Variants in LRRC4C observed in about 807,000 individuals in gnomAD.
The protein encoded by LRRC4C is leucine-rich repeat-containing protein 4C.
In LRRC4C, 5 loss-of-function variants were observed where a neutral mutation model predicts 33.6. The ratio of observed to expected loss-of-function variants is 0.15; its 90% CI spans 0.08 to 0.31. The LOEUF is 0.31. Ranked by LOEUF, LRRC4C falls within the 10% of genes least tolerant of loss-of-function variation. The pLI is 1.00. For synonymous variants in LRRC4C, 329 were observed against 302.0 expected, an observed-to-expected ratio of 1.09 and a Z score of -0.93; for missense variants, 560 against 796.7, an observed-to-expected ratio of 0.70 and a Z score of 3.58.
intron 1 of LRRC4C, among the ~76,000 whole-genome samples, chr11:41,273,816 G>A (rs1347512071): frequency 6.6e-6 from 1 of 152,126 alleles, no homozygotes; most frequent in Non-Finnish European, 1.5e-5. Context: ...CTTAATTATG[G>A]TGATGGCATC....
intron 6 of LRRC4C, among the ~76,000 whole-genome samples, chr11:40,136,916 A>C (rs750582630): frequency 3.3e-5 from 5 of 152,224 alleles, no homozygotes; most frequent in Non-Finnish European, 7.3e-5. Flanking sequence ...TAGCACTCAC[A>C]AAATGGACAC....
At chr11:41,173,929 T>C (rs555989142) in intron 1 of LRRC4C, among the ~76,000 whole-genome samples, 64 of 152,220 alleles carry the variant, frequency 4.2e-4, no homozygotes, top group Non-Finnish European at 8.2e-4. Context: ...TATGTCAACT[T>C]TAAAAGTTAT....
intron 2 of LRRC4C, among the ~76,000 whole-genome samples, chr11:40,750,921 A>G (rs938375452): frequency 2.0e-5 from 3 of 152,140 alleles, no homozygotes; most frequent in African/African-American, 7.2e-5. Context: ...ATGATACACC[A>G]TGACAAGTGG....
chr11:40,939,563 T>C (rs1958053077), intron 1 of LRRC4C, among the ~76,000 whole-genome samples: 1 of 152,144 alleles, frequency 6.6e-6, no homozygotes, highest in Non-Finnish European at 1.5e-5. Flanking sequence ...AGGCACTCTT[T>C]CGGCACCTGG....
intron 5 of LRRC4C, among the ~76,000 whole-genome samples, chr11:40,230,251 A>G (rs894460738): frequency 3.3e-5 from 5 of 152,236 alleles, no homozygotes; most frequent in African/African-American, 1.2e-4. Context: ...AACATTTTCT[A>G]CTTTCAGAAA....
chr11:40,255,081 G>GT (rs1565192101), intron 4 of LRRC4C, among the ~76,000 whole-genome samples: 1 of 152,094 alleles, frequency 6.6e-6, no homozygotes, highest in East Asian at 1.9e-4. Flanking sequence ...GATTACAAGC[G>GT]TGAGTCACCG....
At chr11:41,084,217 T>A (rs1191008140) in intron 1 of LRRC4C, among the ~76,000 whole-genome samples, 1 of 152,080 alleles carries the variant, frequency 6.6e-6, no homozygotes, top group Non-Finnish European at 1.5e-5. Context: ...CCCCAGATCA[T>A]CTGGTGTATT....
Position 40,940,151 on chromosome 11 carries a change from A to T in LRRC4C, c.-495-6428T>A, listed in dbSNP as rs1958078964. Reference sequence around the variant, plus strand: ...TCACAGTGTCATCCCTTTTTACTCTACCTCATTGTGCCTCAGTTTTCTCAT... The same window carrying T: ...TCACAGTGTCATCCCTTTTTACTCTTCCTCATTGTGCCTCAGTTTTCTCAT... On this transcript the variant is annotated intron_variant, in intron 1 of 6. Transcript: ENST00000528697. 1.3e-5 allele frequency among the ~76,000 whole-genome samples: 2 copies of T among 151,972 alleles called. 1 individual carries two copies. Among genetic ancestry groups the T allele is most frequent in the South Asian group, 4.1e-4 (2 of 4,820 alleles).
chr11:40,794,887 G>A (rs1048931867), intron 2 of LRRC4C, among the ~76,000 whole-genome samples: 3 of 152,162 alleles, frequency 2.0e-5, no homozygotes, highest in African/African-American at 7.2e-5. Context: ...CTAGGATCAA[G>A]GTTTGGGCAG....
chr11:40,376,721 A>ATGTG (rs61662311), intron 3 of LRRC4C, among the ~76,000 whole-genome samples: 12,680 of 147,808 alleles, frequency 0.086, 561 homozygotes, highest in Admixed American at 0.096. Flanking sequence ...GTGTGTGCTT[A>ATGTG]TGTGTGTGTG....
chr11:40,288,648 C>T (rs979926545), intron 4 of LRRC4C, among the ~76,000 whole-genome samples: 12 of 152,252 alleles, frequency 7.9e-5, no homozygotes, highest in South Asian at 4.1e-4. Flanking sequence ...TAAACAATGA[C>T]GTGTGTGTCT....
intron 2 of LRRC4C, among the ~76,000 whole-genome samples, chr11:40,857,985 A>AGGGAC (rs1953875979): frequency 8.3e-6 from 1 of 120,368 alleles, no homozygotes; most frequent in African/African-American, 3.4e-5. Flanking sequence ...GGGAAAGGGA[A>AGGGAC]AGGGACAGGG....
At chr11:40,310,936 C>A (rs140149240) in intron 4 of LRRC4C, among the ~76,000 whole-genome samples, 1 of 152,098 alleles carries the variant, frequency 6.6e-6, no homozygotes, top group Admixed American at 6.5e-5. Flanking sequence ...TGCATTAATT[C>A]GGGATGTGAT....
intron 1 of LRRC4C, among the ~76,000 whole-genome samples, chr11:41,206,006 C>T (rs560520966): frequency 7.2e-5 from 11 of 152,160 alleles, no homozygotes; most frequent in African/African-American, 2.7e-4. Flanking sequence ...ATAGATATGT[C>T]AAGGAAAACC....
At chr11:40,922,326 C>T (rs576765849) in intron 2 of LRRC4C, among the ~76,000 whole-genome samples, 12 of 152,082 alleles carry the variant, frequency 7.9e-5, no homozygotes, top group South Asian at 2.1e-4. Context: ...GACTTTTCTT[C>T]GCCCCTGAAG....
At chr11:40,449,162 G>A (rs1471618323) in intron 3 of LRRC4C, among the ~76,000 whole-genome samples, 1 of 151,990 alleles carries the variant, frequency 6.6e-6, no homozygotes, top group Non-Finnish European at 1.5e-5. Context: ...CAGATGGTTA[G>A]ATTGCAAAAA....
intron 1 of LRRC4C, among the ~76,000 whole-genome samples, chr11:41,245,539 A>T (rs1819169211): frequency 6.6e-6 from 1 of 152,166 alleles, no homozygotes; most frequent in Admixed American, 6.5e-5. Flanking sequence ...ACACGGTGGC[A>T]CCTGAAAGCT....
chr11:40,366,399 G>C (rs1948210090), intron 3 of LRRC4C, among the ~76,000 whole-genome samples: 2 of 152,020 alleles, frequency 1.3e-5, no homozygotes, highest in Admixed American at 1.3e-4. Flanking sequence ...TTCAAGAATA[G>C]CTTTATAAAG....
intron 4 of LRRC4C, among the ~76,000 whole-genome samples, chr11:40,298,900 G>C (rs762826762): frequency 6.6e-6 from 1 of 151,668 alleles, no homozygotes; most frequent in Non-Finnish European, 1.5e-5. Context: ...GAGCATGGGG[G>C]GAAATGCTCC....
Sources: gnomAD v4.1 joint callset for allele counts (sites outside exome capture counted in the v4.1 genomes callset) on GRCh38, gnomAD v4.1.1 for gene constraint, MANE v1.5 for transcripts, NCBI Gene and HGNC (gene_info 2026-07-23, HGNC 2026-07-21) for gene names.